USH1C: variants seen among roughly 807,000 people sequenced by gnomAD.
The protein encoded by USH1C is USH1 protein network component harmonin, also known as harmonin.
Under a neutral mutation model 119.3 loss-of-function variants are expected in USH1C, and 90 were observed. The ratio of observed to expected loss-of-function variants is 0.75; its 90% CI spans 0.64 to 0.90. The LOEUF (loss-of-function observed/expected upper bound fraction) is 0.90, where lower values mean the gene tolerates loss of function less well. USH1C is among the 40% of genes least tolerant of loss of function. The probability of loss-of-function intolerance (pLI) is 0.00; values close to 1 mark genes in which losing one functional copy is unlikely to be tolerated. For synonymous variants in USH1C, 465 were observed against 443.3 expected (o/e 1.05, Z -0.62); for missense variants, 1,165 against 1,167.7 (o/e 1.00, Z 0.03).
At position 17,501,408 on chromosome 11, in the gene USH1C, A is replaced by C. The variant is rs2133785511; in HGVS notation, c.2280+74T>G. 4 of 1,525,514 alleles carry C rather than the reference A, an allele frequency of 2.6e-6. No individual in the cohort carries two copies. The Middle Eastern group carries it at 6.8e-4, about 260-fold the overall frequency. The allele number at this position is 1,525,514 out of a possible 1,614,324, so 94.5% of individuals were successfully genotyped here. A position where few individuals can be genotyped will look rare whatever the true frequency, so the allele number is the denominator to read the frequency against. On this transcript the variant is annotated intron_variant, in intron 22 of 26. Transcript: ENST00000005226. ...CACCCAGGAGTGACCTTGAGAGTAG[A>C]GGCAGGAGACCAAGGGAGGAGGGGC...
chr11:17,506,076 G>A, intron 18 of USH1C, 127 bp from the exon 19 acceptor site: 1 of 1,371,904 alleles, frequency 7.3e-7, no homozygotes, highest in Non-Finnish European at 1.0e-6. Flanking sequence ...TCATTCAACT[G>A]CTCGAGGTCC....
intron 18 of USH1C, among the ~76,000 whole-genome samples, chr11:17,508,612 T>C (rs1849739972): frequency 6.6e-6 from 1 of 152,228 alleles, no homozygotes; most frequent in African/African-American, 2.4e-5. Flanking sequence ...AGATTGCATG[T>C]TTCAAAATAG....
At chr11:17,503,079 A>G (rs1849507106) in intron 20 of USH1C, among the ~76,000 whole-genome samples, 1 of 152,174 alleles carries the variant, frequency 6.6e-6, no homozygotes, top group Admixed American at 6.5e-5. Flanking sequence ...ATCCCCAAGC[A>G]TCTGCCTGGC....
At chr11:17,500,968 G>A in intron 23 of USH1C, 83 bp downstream of exon 23, 1 of 1,165,520 alleles carries the variant, frequency 8.6e-7, no homozygotes. Context: ...CCCACTCCAA[G>A]TGGTCACCTG....
Position 17,520,855 on chromosome 11 carries a change from G to A in USH1C, c.1210+15C>T. 1 of 1,614,128 alleles carries A rather than the reference G, an allele frequency of 6.2e-7. No homozygotes were observed. The highest frequency in any genetic ancestry group is 8.5e-7 in the Non-Finnish European group (1 of 1,180,010). ...CTAGTTCCCTTAGCCTCTCCCCTCG[G>A]CTCATGAAACTTACACTTTGGCTTG... On this transcript the variant is annotated intron_variant, in intron 14 of 26. Transcript: ENST00000005226.
Position 17,526,847 on chromosome 11 carries a change from C to T in USH1C, c.522-37G>A, listed in dbSNP as rs771040903. On this transcript the variant is annotated intron_variant, in intron 6 of 26. Coordinates refer to ENST00000005226, the MANE Select transcript of USH1C (RefSeq NM_153676.4). Reference sequence around the variant, plus strand: ...GGAAAATAGATGGGAGGGTGGTTAGCGAGAGACGTTTGAGGAACCAGGCCC... The same window carrying T: ...GGAAAATAGATGGGAGGGTGGTTAGTGAGAGACGTTTGAGGAACCAGGCCC... 15 of 1,593,034 alleles carry T rather than the reference C, an allele frequency of 9.4e-6. No individual in the cohort carries two copies. The East Asian group carries it at 1.2e-4, about 12-fold the overall frequency.
At position 17,531,371 on chromosome 11, in the gene USH1C, G is replaced by A. The variant is rs1356714373; in HGVS notation, c.248+28C>T. 6.2e-7 allele frequency: 1 copy of A among 1,613,560 alleles called. No individual in the cohort carries two copies. Among genetic ancestry groups the A allele is most frequent in the East Asian group, 2.2e-5 (1 of 44,870 alleles). On this transcript the variant is annotated intron_variant, in intron 3 of 26. Coordinates refer to ENST00000005226, the MANE Select transcript of USH1C (RefSeq NM_153676.4). This position sits in a 1 kb window ranked among gnomAD's most constrained non-coding sequence, Gnocchi z 4.2. Reference sequence around the variant, plus strand: ...GCCCAGGGTGATCTCTCCACCCCCTGCCTCCAGCCTGGTGGCTTCCTCTGC... The same window carrying A: ...GCCCAGGGTGATCTCTCCACCCCCTACCTCCAGCCTGGTGGCTTCCTCTGC...
chr11:17,502,064 A>G (rs1257731284), intron 20 of USH1C, 84 bp from the exon 21 acceptor site: 2 of 1,451,912 alleles, frequency 1.4e-6, no homozygotes, highest in Non-Finnish European at 1.9e-6. Flanking sequence ...GAATGGTCGG[A>G]ATCCAAGGGT....
At chr11:17,502,427 G>C (rs1591964622) in intron 20 of USH1C, among the ~76,000 whole-genome samples, 1 of 152,336 alleles carries the variant, frequency 6.6e-6, no homozygotes, top group Non-Finnish European at 1.5e-5. Context: ...CCCCACAGGA[G>C]GGGCCCATCC....
At chr11:17,495,402 G>C (rs571200855) in intron 26 of USH1C, among the ~76,000 whole-genome samples, 167 bp downstream of exon 26, 9 of 152,348 alleles carry the variant, frequency 5.9e-5, no homozygotes, top group Non-Finnish European at 1.2e-4. Context: ...CTTTGAGTCT[G>C]AGGAATTCCA....
chr11:17,533,332 C>A lies in USH1C; in HGVS notation c.37-10G>T. The A allele has an allele frequency of 6.2e-7, 1 of 1,606,266 alleles. No homozygotes were observed. Among genetic ancestry groups the A allele is most frequent in the Non-Finnish European group, 8.5e-7 (1 of 1,174,136 alleles). ...CAATCAGAAAATCCACCTGGAAAAT[C>A]CAATAGCAGAATCACAGCTCCAGGC... On this transcript the variant is annotated splice_polypyrimidine_tract_variant and intron_variant, in intron 1 of 26. Transcript: ENST00000005226.
chr11:17,542,071 A>G (rs1353134817), intron 1 of USH1C, among the ~76,000 whole-genome samples: 1 of 152,220 alleles, frequency 6.6e-6, no homozygotes, highest in African/African-American at 2.4e-5. Context: ...TGTAGGTCTC[A>G]TTCAGCATTC....
intron 15 of USH1C, among the ~76,000 whole-genome samples, chr11:17,514,916 G>A (rs548337481): frequency 2.0e-5 from 3 of 151,784 alleles, no homozygotes; most frequent in Admixed American, 2.0e-4. Context: ...GCACTTTCAA[G>A]GACATGATTT....
At chr11:17,537,277 C>A (rs1019309724) in intron 1 of USH1C, among the ~76,000 whole-genome samples, 2 of 152,204 alleles carry the variant, frequency 1.3e-5, no homozygotes, top group Non-Finnish European at 2.9e-5. Flanking sequence ...TTTTGGGGAG[C>A]CCCTGCTCTA....
chr11:17,527,350 C>T lies in USH1C; in HGVS notation c.388-19G>A. The stretch of plus-strand genomic sequence containing the variant: ...CCCCTACCTTGACCACAGAGAGAGG[C>T]AGGGAGCACCAGGTGGAGGGAGCAT... On this transcript the variant is annotated intron_variant, in intron 4 of 26. Coordinates refer to ENST00000005226, the MANE Select transcript of USH1C (RefSeq NM_153676.4). 1 of 1,576,360 alleles carries T rather than the reference C, an allele frequency of 6.3e-7. No homozygotes were observed. Among genetic ancestry groups the T allele is most frequent in the Non-Finnish European group, 8.7e-7 (1 of 1,151,900 alleles).
chr11:17,497,201 C>T (rs1849279703), intron 24 of USH1C, among the ~76,000 whole-genome samples: 1 of 152,170 alleles, frequency 6.6e-6, no homozygotes, highest in South Asian at 2.1e-4. Context: ...AATTCCGACG[C>T]ACTTTCTGAT....
intron 6 of USH1C, 102 bp from the exon 7 acceptor site, chr11:17,526,912 C>T (rs1052473320): frequency 6.3e-7 from 1 of 1,578,408 alleles, no homozygotes. Context: ...CCAGCCTCCA[C>T]TGGCCCAGAA....
intron 1 of USH1C, among the ~76,000 whole-genome samples, chr11:17,541,943 C>T (rs528210553): frequency 1.7e-4 from 26 of 152,240 alleles, no homozygotes; most frequent in Middle Eastern, 3.4e-3. Flanking sequence ...TCAAGGTCTT[C>T]CTGACAGTGA....
Position 17,531,520 on chromosome 11 carries a change from CG to C in USH1C, c.126del (p.Val43TrpfsTer4). ...TTGATGACCAGCTTCAGGTCTCCCA[CG>C]AGCACGGCCACGTCCATGGTCCTGT... The part of the protein sequence containing the change: ...MYHQTMDVAV[L>X]VGDLKLVINE... On this transcript the variant is annotated frameshift_variant, in exon 3 of 27. Transcript: ENST00000005226. LOFTEE classifies it high-confidence loss of function. This position sits in a 1 kb window ranked among gnomAD's most constrained non-coding sequence, Gnocchi z 4.2. The C allele has an allele frequency of 6.2e-7, 1 of 1,613,570 alleles. No individual in the cohort carries two copies. Among genetic ancestry groups the C allele is most frequent in the Non-Finnish European group, 8.5e-7 (1 of 1,180,022 alleles).
Sources: gnomAD v4.1 joint callset for allele counts (sites outside exome capture counted in the v4.1 genomes callset) on GRCh38, gnomAD v4.1.1 for gene constraint, Gnocchi (gnomAD v3.1) non-coding constraint, MANE v1.5 for transcripts, NCBI Gene and HGNC (gene_info 2026-07-23, HGNC 2026-07-21) for gene names.